Variants in MAD1L1 observed in about 807,000 individuals in gnomAD.
The protein encoded by MAD1L1 is mitotic arrest deficient 1 like 1.
Under a neutral mutation model 96.9 loss-of-function variants are expected in MAD1L1, and 95 were observed. The ratio of observed to expected loss-of-function variants is 0.98; its 90% CI spans 0.83 to 1.16. MAD1L1 has a LOEUF of 1.16. Ranked by LOEUF, MAD1L1 falls within the 50% of genes most tolerant of loss-of-function variation. The probability of loss-of-function intolerance (pLI) is 0.00; values close to 1 mark genes in which losing one functional copy is unlikely to be tolerated. For missense variants in MAD1L1, 1,007 were observed against 954.4 expected (o/e 1.06, Z -0.73); for synonymous variants, 473 against 396.6 (o/e 1.19, Z -2.29).
intron 12 of MAD1L1, among the ~76,000 whole-genome samples, chr7:2,063,359 C>T (rs963074800): frequency 6.6e-6 from 1 of 152,218 alleles, no homozygotes; most frequent in African/African-American, 2.4e-5. Flanking sequence ...CTTAAACAGA[C>T]ACCATCAGGG....
At chr7:1,980,113 G>C (rs983097137) in intron 15 of MAD1L1, among the ~76,000 whole-genome samples, 2 of 152,208 alleles carry the variant, frequency 1.3e-5, no homozygotes, top group Non-Finnish European at 2.9e-5. Context: ...GCCTGGAGAG[G>C]GGGACAGGAG....
At chr7:2,188,174 A>T (rs1364114019) in intron 10 of MAD1L1, among the ~76,000 whole-genome samples, 1 of 152,254 alleles carries the variant, frequency 6.6e-6, no homozygotes, top group African/African-American at 2.4e-5. Context: ...GAATTTTAGT[A>T]CGACAGTTTG....
intron 10 of MAD1L1, among the ~76,000 whole-genome samples, chr7:2,204,373 G>A (rs1792479932): frequency 6.6e-6 from 1 of 152,292 alleles, no homozygotes; most frequent in South Asian, 2.1e-4. Flanking sequence ...TTTGACAAGA[G>A]CAGTGTCATG....
intron 18 of MAD1L1, among the ~76,000 whole-genome samples, chr7:1,820,216 TAAAAAAG>T (rs1036179064): frequency 1.3e-5 from 2 of 151,622 alleles, no homozygotes; most frequent in African/African-American, 4.9e-5. Context: ...TCGAAGGAAA[TAAAAAAG>T]AGAACAGAAT....
intron 12 of MAD1L1, among the ~76,000 whole-genome samples, chr7:2,043,351 T>C (rs569365671): frequency 1.3e-5 from 2 of 152,244 alleles, no homozygotes; most frequent in East Asian, 3.9e-4. Flanking sequence ...ATCCTCGGTG[T>C]CAGGGCAGCA....
intron 17 of MAD1L1, among the ~76,000 whole-genome samples, chr7:1,926,008 G>C (rs1270177516): frequency 6.6e-6 from 1 of 151,800 alleles, no homozygotes; most frequent in African/African-American, 2.4e-5. Flanking sequence ...TCTCCAGAAA[G>C]GCTAACAGAC....
chr7:1,947,106 CA>C (rs1779264304), intron 16 of MAD1L1, among the ~76,000 whole-genome samples: 2 of 152,218 alleles, frequency 1.3e-5, no homozygotes, highest in Non-Finnish European at 2.9e-5. Flanking sequence ...CCCTTCCGGC[CA>C]AAATGCTCAT....
intron 10 of MAD1L1, among the ~76,000 whole-genome samples, chr7:2,206,864 T>C (rs947600562): frequency 1.3e-5 from 2 of 152,096 alleles, no homozygotes; most frequent in African/African-American, 4.8e-5. Flanking sequence ...GGTGGATCAC[T>C]TGAGGTCAGG....
intron 11 of MAD1L1, among the ~76,000 whole-genome samples, chr7:2,082,820 G>A (rs376263105): frequency 3.9e-5 from 6 of 152,340 alleles, no homozygotes; most frequent in East Asian, 1.9e-4. Context: ...CTCCGCCCAC[G>A]CCTGTGCGCC....
In MAD1L1 at chr7:2,119,563, G is replaced by A. The variant is rs556035648; in HGVS notation, c.1073+29589C>T. On this transcript the variant is annotated intron_variant, in intron 11 of 18. Coordinates refer to ENST00000265854, the MANE Select transcript of MAD1L1 (RefSeq NM_001013836.2). This position sits in a 1 kb window ranked among gnomAD's most constrained non-coding sequence, Gnocchi z 4.6. The stretch of plus-strand genomic sequence containing the variant: ...CCGACTGTGGGGACAGCACGTGCCC[G>A]AGCTCTGACCCACATGCAGACATCA... Among the ~76,000 whole-genome samples, 24 of 152,308 alleles carry A rather than the reference G, an allele frequency of 1.6e-4. No homozygotes were observed. The highest frequency in any genetic ancestry group is 3.4e-3 in the Middle Eastern group (1 of 294).
At chr7:2,213,350 C>T (rs928541334) in intron 9 of MAD1L1, 77 bp from the exon 10 acceptor site, 17 of 1,370,720 alleles carry the variant, frequency 1.2e-5, no homozygotes, top group Non-Finnish European at 1.7e-5. Context: ...ATCATGATCA[C>T]GGTGCTAAGT....
intron 12 of MAD1L1, among the ~76,000 whole-genome samples, chr7:2,044,204 C>T (rs1285612208): frequency 6.6e-6 from 1 of 152,246 alleles, no homozygotes; most frequent in Non-Finnish European, 1.5e-5. Flanking sequence ...AAGGGTCACT[C>T]TTGCTCATTC....
intron 10 of MAD1L1, among the ~76,000 whole-genome samples, chr7:2,184,058 G>A (rs1791338098): frequency 6.6e-6 from 1 of 151,922 alleles, no homozygotes; most frequent in South Asian, 2.1e-4. Flanking sequence ...AGACCATCCT[G>A]GCCAACACAG....
At chr7:1,932,883 C>T (rs970264270) in intron 17 of MAD1L1, among the ~76,000 whole-genome samples, 3 of 152,228 alleles carry the variant, frequency 2.0e-5, no homozygotes, top group African/African-American at 4.8e-5. Context: ...TTTTCCATCT[C>T]GTTGTCTTTA....
intron 11 of MAD1L1, among the ~76,000 whole-genome samples, chr7:2,078,283 T>C (rs1159235272): frequency 1.3e-5 from 2 of 152,174 alleles, no homozygotes; most frequent in Admixed American, 1.3e-4. Context: ...GTCAACCCAC[T>C]ATCCGGAGGC....
chr7:2,079,843 C>A, intron 11 of MAD1L1: 1 of 439,936 alleles, frequency 2.3e-6, no homozygotes. Context: ...CAAGTCACCT[C>A]CCCAGGCTCT....
chr7:2,217,104 C>T (rs976262787), intron 7 of MAD1L1, among the ~76,000 whole-genome samples: 3 of 152,196 alleles, frequency 2.0e-5, no homozygotes, highest in South Asian at 4.1e-4. Context: ...AACATCCCAC[C>T]CCTCCCGTGT....
At chr7:1,964,806 A>G (rs1031164886) in intron 15 of MAD1L1, among the ~76,000 whole-genome samples, 2 of 152,234 alleles carry the variant, frequency 1.3e-5, no homozygotes, top group African/African-American at 4.8e-5. Context: ...TTTTGCAAGA[A>G]AAATGATTAG....
intron 10 of MAD1L1, among the ~76,000 whole-genome samples, chr7:2,194,737 G>A (rs1031054543): frequency 6.6e-6 from 1 of 152,058 alleles, no homozygotes; most frequent in Admixed American, 6.6e-5. Flanking sequence ...AGAAAACCTA[G>A]CATACTAAAT....
Sources: allele counts gnomAD v4.1 joint callset (sites outside exome capture counted in the v4.1 genomes callset), GRCh38; gene constraint gnomAD v4.1.1; non-coding constraint Gnocchi (gnomAD v3.1); transcripts MANE v1.5; gene names NCBI Gene and HGNC (gene_info 2026-07-23, HGNC 2026-07-21).